Variants in ADAMTSL1 observed in about 807,000 individuals in gnomAD.
The protein encoded by ADAMTSL1 is ADAMTS-like protein 1.
A neutral mutation model predicts 201.8 loss-of-function variants in ADAMTSL1; 126 were observed. The ratio of observed to expected loss-of-function variants is 0.62; its 90% CI spans 0.54 to 0.72. The LOEUF is 0.72. ADAMTSL1 is among the 30% of genes least tolerant of loss of function. The probability of loss-of-function intolerance (pLI) is 0.00; values close to 1 mark genes in which losing one functional copy is unlikely to be tolerated. For missense variants in ADAMTSL1, 2,679 were observed against 2,277.8 expected (o/e 1.18, Z -3.59); for synonymous variants, 1,121 against 903.4 (o/e 1.24, Z -4.32).
chr9:18,400,105 A>G (rs1279173303), intron 2 of ADAMTSL1, among the ~76,000 whole-genome samples: 1 of 111,750 alleles, frequency 8.9e-6, no homozygotes, highest in Non-Finnish European at 2.0e-5. Context: ...ATTGTACTTA[A>G]ATCTAACCCT....
chr9:18,570,942 A>T (rs1822257447), intron 3 of ADAMTSL1, among the ~76,000 whole-genome samples: 1 of 152,194 alleles, frequency 6.6e-6, no homozygotes, highest in Non-Finnish European at 1.5e-5. Context: ...GTGACTTGCA[A>T]ATAAGAACAT....
intron 2 of ADAMTSL1, among the ~76,000 whole-genome samples, chr9:18,306,525 G>C (rs1833915157): frequency 6.6e-6 from 1 of 152,126 alleles, no homozygotes; most frequent in African/African-American, 2.4e-5. Context: ...GAAAAACACA[G>C]CACGAGAACT....
chr9:18,322,123 A>C (rs368256576), intron 2 of ADAMTSL1, among the ~76,000 whole-genome samples: 18 of 152,336 alleles, frequency 1.2e-4, no homozygotes, highest in African/African-American at 4.1e-4. Context: ...AATGCAGCCA[A>C]AGTATTGCTT....
chr9:18,293,209 G>A lies in ADAMTSL1; in HGVS notation c.207+129228G>A, dbSNP rs545379686. On this transcript the variant is annotated intron_variant, in intron 2 of 29. Transcript: ENST00000680146. ...ATTCCATGTCTTTGCTATTGTGAAT[G>A]GTGCTACAGTGAACATGCAAATGCT... Among the ~76,000 whole-genome samples the A allele has an allele frequency of 9.2e-5, 14 of 152,276 alleles. No individual in the cohort carries two copies. In the South Asian group the frequency reaches 2.3e-3, roughly 25 times the overall value.
intron 19 of ADAMTSL1, among the ~76,000 whole-genome samples, chr9:18,782,707 G>A (rs180890014): frequency 5.9e-5 from 9 of 152,322 alleles, no homozygotes; most frequent in East Asian, 1.9e-4. Context: ...TTTGGTGACC[G>A]CTTTAGATGG....
upstream of ADAMTSL1, chr9:18,473,873 T>C (rs891442034): frequency 6.6e-6 from 2 of 304,856 alleles, no homozygotes; most frequent in East Asian, 1.4e-4. Flanking sequence ...CTTCATCTTT[T>C]GCAATTCTGC....
intron 2 of ADAMTSL1, among the ~76,000 whole-genome samples, chr9:18,311,120 C>T (rs771904737): frequency 3.3e-5 from 5 of 151,990 alleles, no homozygotes; most frequent in Non-Finnish European, 7.4e-5. Flanking sequence ...AACCAAACAG[C>T]GCATCTTCTC....
At chr9:18,692,154 A>C (rs1346426906) in intron 13 of ADAMTSL1, among the ~76,000 whole-genome samples, 2 of 152,186 alleles carry the variant, frequency 1.3e-5, no homozygotes, top group African/African-American at 4.8e-5. Flanking sequence ...CCATACTTTT[A>C]ATTTAGCCCA....
intron 3 of ADAMTSL1, among the ~76,000 whole-genome samples, chr9:18,539,251 G>C (rs1003696292): frequency 1.3e-5 from 2 of 152,178 alleles, no homozygotes; most frequent in African/African-American, 2.4e-5. Flanking sequence ...GATATCAGGA[G>C]TTGCCACCAT....
chr9:18,845,521 C>T (rs1392277039), intron 23 of ADAMTSL1, among the ~76,000 whole-genome samples: 1 of 152,244 alleles, frequency 6.6e-6, no homozygotes, highest in Non-Finnish European at 1.5e-5. Context: ...GTAGCAGCTC[C>T]ACTTCTTAGA....
intron 19 of ADAMTSL1, among the ~76,000 whole-genome samples, chr9:18,793,641 G>T (rs755990681): frequency 9.2e-5 from 14 of 152,240 alleles, no homozygotes; most frequent in Non-Finnish European, 1.3e-4. Context: ...AACTAGGGAG[G>T]TTAAAAAATC....
At chr9:18,005,911 A>G (rs369433009) in intron 1 of ADAMTSL1, among the ~76,000 whole-genome samples, 6 of 152,116 alleles carry the variant, frequency 3.9e-5, no homozygotes, top group South Asian at 2.1e-4. Context: ...TGAGTTTTGC[A>G]TAGGTCATGT....
chr9:18,244,028 G>T (rs1459363316), intron 2 of ADAMTSL1, among the ~76,000 whole-genome samples: 1 of 151,820 alleles, frequency 6.6e-6, no homozygotes, highest in African/African-American at 2.4e-5. Context: ...TTTACCAACT[G>T]CTACTACCCC....
chr9:18,443,689 G>A (rs974510689), intron 2 of ADAMTSL1, among the ~76,000 whole-genome samples: 8 of 152,152 alleles, frequency 5.3e-5, no homozygotes, highest in Non-Finnish European at 1.2e-4. Flanking sequence ...GGTGTGTACT[G>A]TACTGACTTT....
rs1006405076 is a variant in ADAMTSL1 at position 18,151,478 on chromosome 9, A to G, written c.88-12384A>G. On this transcript the variant is annotated intron_variant, in intron 1 of 29. Coordinates refer to the ADAMTSL1 transcript ENST00000680146. ...GTTTTCATTACCTACTAAGTAGCCA[A>G]TGTTCAATATACTGTATTTGATTAT... Among the ~76,000 whole-genome samples, 4 of 152,082 alleles carry G rather than the reference A, an allele frequency of 2.6e-5. No homozygotes were observed. The South Asian group carries it at 8.3e-4, about 31-fold the overall frequency.
chr9:18,292,224 T>G lies in ADAMTSL1; in HGVS notation c.207+128243T>G, dbSNP rs533597279. On this transcript the variant is annotated intron_variant, in intron 2 of 29. Transcript: ENST00000680146. ...GCTTCAGGTGATCTTCTAAGAACCG[T>G]TAATTTAGAAGTTCATACAAAGTCC... 2.6e-5 allele frequency among the ~76,000 whole-genome samples: 4 copies of G among 152,112 alleles called. No homozygotes were observed. The South Asian group carries it at 8.3e-4, about 32-fold the overall frequency.
chr9:18,286,125 G>A (rs932545311), intron 2 of ADAMTSL1, among the ~76,000 whole-genome samples: 2 of 152,018 alleles, frequency 1.3e-5, no homozygotes, highest in South Asian at 4.2e-4. Context: ...TTCTGTGTTG[G>A]AGGACAGTAC....
chr9:18,085,976 T>G (rs192961911), intron 1 of ADAMTSL1, among the ~76,000 whole-genome samples: 58 of 152,128 alleles, frequency 3.8e-4, no homozygotes, highest in Non-Finnish European at 7.6e-4. Context: ...AGATAATATC[T>G]TGAAAGTCAA....
At chr9:18,655,806 TAAAAAA>T (rs56662538) in intron 7 of ADAMTSL1, among the ~76,000 whole-genome samples, 15,353 of 80,646 alleles carry the variant, frequency 0.19, 485 homozygotes, top group East Asian at 0.38. Context: ...TTTGTGAGCT[TAAAAAA>T]AAAAAAAAAA....
Sources: gnomAD v4.1 joint callset for allele counts (sites outside exome capture counted in the v4.1 genomes callset) on GRCh38, gnomAD v4.1.1 for gene constraint, MANE v1.5 for transcripts, NCBI Gene and HGNC (gene_info 2026-07-23, HGNC 2026-07-21) for gene names.